Variants in GLI2 observed in about 807,000 individuals in gnomAD.
GLI2 encodes transcription activator GLI2.
GLI2 carries 22 observed loss-of-function variants against 78.9 expected under a neutral mutation model. The observed-to-expected ratio is 0.28, with a 90% CI of 0.20 to 0.40. The LOEUF (loss-of-function observed/expected upper bound fraction) is 0.40, where lower values mean the gene tolerates loss of function less well. Among genes scored for constraint, GLI2 ranks in the 10% least tolerant of loss-of-function variants. The pLI, the probability that GLI2 is intolerant of heterozygous loss-of-function variation, is 1.00. For missense variants in GLI2, 2,097 were observed against 2,213.2 expected, an observed-to-expected ratio of 0.95 and a Z score of 1.05; for synonymous variants, 974 against 963.7, an observed-to-expected ratio of 1.01 and a Z score of -0.20.
At chr2:120,796,372 C>A (rs1684394200) in intron 1 of GLI2, among the ~76,000 whole-genome samples, 1 of 152,226 alleles carries the variant, frequency 6.6e-6, no homozygotes, top group Non-Finnish European at 1.5e-5. Context: ...CCCCGAAAAG[C>A]CTGCTCTCCG....
At position 120,753,943 on chromosome 2, in the gene GLI2, C is replaced by T. The variant is rs139267486; in HGVS notation, c.-31+17658C>T. 7.0e-3 allele frequency among the ~76,000 whole-genome samples: 1,061 copies of T among 151,604 alleles called. 9 individuals are homozygous for T. The highest frequency in any genetic ancestry group is 0.02 in the African/African-American group (838 of 41,334). ...AAAAAAAAAAAAAAACAACTATTTCCTCTGCTTCTCACATGTTACAAACAT... is the reference window on the plus strand; with the variant it reads ...AAAAAAAAAAAAAAACAACTATTTCTTCTGCTTCTCACATGTTACAAACAT... On this transcript the variant is annotated intron_variant, in intron 1 of 13. Transcript: ENST00000361492.
At chr2:120,927,241 G>A in intron 2 of GLI2, 120 bp from the exon 3 acceptor site, 1 of 796,734 alleles carries the variant, frequency 1.3e-6, no homozygotes, top group Non-Finnish European at 2.3e-6. Flanking sequence ...GGGCACTGCG[G>A]AGCCCCTTGT....
chr2:120,747,629 C>A (rs531284330), intron 1 of GLI2, among the ~76,000 whole-genome samples: 1 of 152,340 alleles, frequency 6.6e-6, no homozygotes, highest in African/African-American at 2.4e-5. Context: ...GCCAGGGATG[C>A]TGCTGAACAT....
intron 1 of GLI2, 132 bp downstream of exon 1, chr2:120,736,417 G>A (rs571579163): frequency 1.3e-5 from 2 of 152,288 alleles, no homozygotes; most frequent in Admixed American, 1.3e-4. Flanking sequence ...CCTAGGCCTT[G>A]GGATCGGGGC....
At chr2:120,816,562 GAACT>G (rs1685504661) in intron 2 of GLI2, among the ~76,000 whole-genome samples, 1 of 151,604 alleles carries the variant, frequency 6.6e-6, no homozygotes, top group Non-Finnish European at 1.5e-5. Context: ...AAAAAAATGA[GAACT>G]ATTTAAAATA....
In GLI2 at chr2:120,990,086, A is replaced by C; in HGVS notation, c.4121A>C (p.Gln1374Pro). ...GRHRGVRAVQQQLAYARATGH... is the reference protein window; with the variant it reads ...GRHRGVRAVQPQLAYARATGH... ...CACCGTGGGGTACGTGCTGTGCAGC[A>C]GCAGCTGGCCTACGCCAGGGCCACA... Residue 1374 changes from glutamine (Q) to proline (P), a missense_variant, in exon 14 of 14, where the codon CAG becomes CCG. This residue lies in a region of GLI2 where 1,290 missense variants were observed against 1,261.7 expected (regional missense o/e 1.02). Coordinates refer to ENST00000361492, the MANE Select transcript of GLI2 (RefSeq NM_001374353.1). 1 of 1,598,776 alleles carries C rather than the reference A, an allele frequency of 6.3e-7. No individual in the cohort carries two copies. The highest frequency in any genetic ancestry group is 8.5e-7 in the Non-Finnish European group (1 of 1,171,030).
chr2:120,894,639 C>G (rs1198458795), intron 2 of GLI2, among the ~76,000 whole-genome samples: 3 of 146,200 alleles, frequency 2.1e-5, no homozygotes, highest in Non-Finnish European at 3.0e-5. Context: ...TTCAAACCGC[C>G]CCCCCATAAA....
chr2:120,947,960 GT>G (rs1680792706), intron 3 of GLI2, among the ~76,000 whole-genome samples: 1 of 152,238 alleles, frequency 6.6e-6, no homozygotes, highest in Admixed American at 6.5e-5. Flanking sequence ...AGTTGGACCT[GT>G]TGTGGAGGCT....
intron 2 of GLI2, among the ~76,000 whole-genome samples, chr2:120,819,207 A>G (rs977626379): frequency 1.4e-5 from 2 of 147,746 alleles, no homozygotes; most frequent in African/African-American, 2.5e-5. Flanking sequence ...CTGATAGTAG[A>G]TATTCAGAGT....
In GLI2 at chr2:120,797,326, G is replaced by A. The variant is rs777622344; in HGVS notation, c.6G>A (p.Glu2=). M[E]TSASATASEK... ...CAGGACGATGAGCGGCTGAGATGGAGACGTCTGCCTCAGCCACTGCCTCCG... is the reference window on the plus strand; with the variant it reads ...CAGGACGATGAGCGGCTGAGATGGAAACGTCTGCCTCAGCCACTGCCTCCG... Residue 2 remains glutamate, a synonymous_variant, in exon 2 of 14, where the codon GAG becomes GAA. Transcript: ENST00000361492. The A allele has an allele frequency of 2.5e-5, 41 of 1,613,900 alleles. No individual in the cohort carries two copies. The highest frequency in any genetic ancestry group is 3.1e-5 in the Non-Finnish European group (36 of 1,179,964).
Position 120,735,934 on chromosome 2 carries a change from A to G in GLI2, c.-382A>G, listed in dbSNP as rs1196954281. ...AGCACGGCTCCGCGGACTTTTTTTC[A>G]AACTCCCATCAATGAGACTTCGAGG... On this transcript the variant is annotated 5_prime_UTR_variant, in exon 1 of 14. Coordinates refer to ENST00000361492, the MANE Select transcript of GLI2 (RefSeq NM_001374353.1). 6.6e-6 allele frequency among the ~76,000 whole-genome samples: 1 copy of G among 151,624 alleles called. No homozygotes were observed. The highest frequency in any genetic ancestry group is 6.6e-5 in the Admixed American group (1 of 15,248).
At position 120,927,370 on chromosome 2, in the gene GLI2, ATC is replaced by A. The variant is rs778975466; in HGVS notation, c.162_163del (p.Leu55AlafsTer10). 1.2e-6 allele frequency: 2 copies of A among 1,612,796 alleles called. No individual in the cohort carries two copies. The highest frequency in any genetic ancestry group is 4.5e-5 in the East Asian group (2 of 44,876). On this transcript the variant is annotated frameshift_variant, in exon 3 of 14. Transcript: ENST00000361492. LOFTEE classifies it high-confidence loss of function. The stretch of plus-strand genomic sequence containing the variant: ...CTCTCCCCCTCTGCAGTGCCGCAGC[ATC>A]TCTTGCCACCATTCCATGCGCCCCT...
chr2:120,888,635 T>G (rs1271343730), intron 2 of GLI2, among the ~76,000 whole-genome samples: 1 of 148,102 alleles, frequency 6.8e-6, no homozygotes, highest in Non-Finnish European at 1.5e-5. Context: ...GATTGTTGAG[T>G]TTTTTTTTAT....
chr2:120,894,376 C>T (rs902463283), intron 2 of GLI2, among the ~76,000 whole-genome samples: 1 of 152,228 alleles, frequency 6.6e-6, no homozygotes, highest in East Asian at 1.9e-4. Flanking sequence ...GGCGTGGCTC[C>T]GCTGACTCAG....
intron 1 of GLI2, among the ~76,000 whole-genome samples, chr2:120,787,049 TGTA>T (rs768649362): frequency 6.6e-6 from 1 of 152,154 alleles, no homozygotes; most frequent in Non-Finnish European, 1.5e-5. Flanking sequence ...CACGTAAACA[TGTA>T]GTTAAAACAC....
chr2:120,857,812 G>T lies in GLI2; in HGVS notation c.148+60344G>T, dbSNP rs551869599. Reference sequence around the variant, plus strand: ...ACCAGTTTCTGATCTCTTTTTGCACGCACAGCCTGATGGTGGCCCTGGGCC... The same window carrying T: ...ACCAGTTTCTGATCTCTTTTTGCACTCACAGCCTGATGGTGGCCCTGGGCC... On this transcript the variant is annotated intron_variant, in intron 2 of 13. Coordinates refer to ENST00000361492, the MANE Select transcript of GLI2 (RefSeq NM_001374353.1). Among the ~76,000 whole-genome samples, 5 of 109,024 alleles carry T rather than the reference G, an allele frequency of 4.6e-5. No individual in the cohort carries two copies. In the South Asian group the frequency reaches 1.6e-3, roughly 36 times the overall value. The allele number at this position is 109,024 out of a possible 152,430, so 71.5% of individuals were successfully genotyped here. A position where few individuals can be genotyped will look rare whatever the true frequency, so the allele number is the denominator to read the frequency against.
chr2:120,964,077 A>G (rs1163288768), intron 5 of GLI2, among the ~76,000 whole-genome samples: 1 of 152,160 alleles, frequency 6.6e-6, no homozygotes, highest in Non-Finnish European at 1.5e-5. Context: ...CATGGTGAGA[A>G]AGACAGGAGC....
At chr2:120,954,728 G>C (rs1204931686) in intron 4 of GLI2, among the ~76,000 whole-genome samples, 1 of 152,190 alleles carries the variant, frequency 6.6e-6, no homozygotes, top group Non-Finnish European at 1.5e-5. Flanking sequence ...GGTTGAAGCA[G>C]ACAGCCCCGA....
intron 1 of GLI2, among the ~76,000 whole-genome samples, chr2:120,753,898 A>G (rs1331414317): frequency 6.7e-6 from 1 of 149,130 alleles, no homozygotes; most frequent in Non-Finnish European, 1.5e-5. Context: ...CCTGGGCGAC[A>G]GAGGGAGACT....
Sources: gnomAD v4.1 joint callset for allele counts (sites outside exome capture counted in the v4.1 genomes callset) on GRCh38, gnomAD v4.1.1 for gene constraint, gnomAD v4.1.1 regional missense constraint, MANE v1.5 for transcripts, NCBI Gene and HGNC (gene_info 2026-07-23, HGNC 2026-07-21) for gene names.